The following HMGCLL1 variants were observed in gnomAD, a reference collection of about 807,000 sequenced individuals.
HMGCLL1 encodes 3-hydroxy-3-methylglutaryl-CoA lyase like 1, also known as 3-hydroxymethyl-3-methylglutaryl-CoA lyase, cytoplasmic.
HMGCLL1 carries 36 observed loss-of-function variants against 39.1 expected under a neutral mutation model. That is an observed-to-expected ratio of 0.92 (90% CI 0.71 to 1.22). The LOEUF (loss-of-function observed/expected upper bound fraction) is 1.22, where lower values mean the gene tolerates loss of function less well. Ranked by LOEUF, HMGCLL1 falls within the 50% of genes most tolerant of loss-of-function variation. The pLI, the probability that HMGCLL1 is intolerant of heterozygous loss-of-function variation, is 0.00. For missense variants in HMGCLL1, 451 were observed against 416.5 expected (o/e 1.08, Z -0.72); for synonymous variants, 149 against 144.0 (o/e 1.03, Z -0.25).
At chr6:55,517,352 T>C (rs1767793674) in intron 3 of HMGCLL1, among the ~76,000 whole-genome samples, 1 of 152,048 alleles carries the variant, frequency 6.6e-6, no homozygotes, top group Non-Finnish European at 1.5e-5. Context: ...CCCATAATCA[T>C]CACACAGAGA....
chr6:55,664,711 C>T, the HMGCLL1 span, among the ~76,000 whole-genome samples: 2 of 151,642 alleles, frequency 1.3e-5, no homozygotes, highest in Non-Finnish European at 3.0e-5. Flanking sequence ...GGCTCAAGGT[C>T]TCTCATGAGA....
At chr6:55,624,803 T>A in the HMGCLL1 span, among the ~76,000 whole-genome samples, 4 of 152,254 alleles carry the variant, frequency 2.6e-5, no homozygotes, top group South Asian at 8.3e-4. Context: ...ATTTGGCCCC[T>A]CCTACAACCA....
intron 6 of HMGCLL1, 35 bp from the exon 7 acceptor site, chr6:55,495,642 G>A: frequency 4.0e-6 from 6 of 1,497,740 alleles, no homozygotes; most frequent in East Asian, 4.7e-5. Context: ...TAAAATAATG[G>A]AAATGAAGAG....
intron 1 of HMGCLL1, among the ~76,000 whole-genome samples, chr6:55,552,509 C>T (rs1051612633): frequency 2.6e-5 from 4 of 151,986 alleles, no homozygotes; most frequent in African/African-American, 7.3e-5. Context: ...CCACTCTGTA[C>T]CTCATTTACT....
the HMGCLL1 span, among the ~76,000 whole-genome samples, chr6:55,597,531 GA>G: frequency 1.5e-4 from 23 of 150,970 alleles, no homozygotes; most frequent in East Asian, 1.4e-3. Context: ...AAAAAAGAAG[GA>G]AAAAAAAGAG....
At chr6:55,617,406 G>A in the HMGCLL1 span, among the ~76,000 whole-genome samples, 1 of 152,076 alleles carries the variant, frequency 6.6e-6, no homozygotes, top group South Asian at 2.1e-4. Context: ...GTTAGACTGT[G>A]AAGAGGTTGG....
At chr6:55,494,120 A>G (rs901361696) in intron 7 of HMGCLL1, among the ~76,000 whole-genome samples, 10 of 152,264 alleles carry the variant, frequency 6.6e-5, no homozygotes, top group South Asian at 2.1e-4. Flanking sequence ...TTGGGGTATT[A>G]GCAATGTTTT....
the HMGCLL1 span, among the ~76,000 whole-genome samples, chr6:55,622,705 T>C: frequency 2.0e-5 from 3 of 152,114 alleles, no homozygotes; most frequent in Non-Finnish European, 2.9e-5. Flanking sequence ...ATCAGATAAA[T>C]TGAACTGTAA....
At chr6:55,469,981 T>C (rs1581818053) in intron 7 of HMGCLL1, among the ~76,000 whole-genome samples, 1 of 151,990 alleles carries the variant, frequency 6.6e-6, no homozygotes, top group East Asian at 1.9e-4. Context: ...GTTTTCCAGC[T>C]TCCGCAGCTG....
chr6:55,671,910 A>G, the HMGCLL1 span, among the ~76,000 whole-genome samples: 1 of 151,786 alleles, frequency 6.6e-6, no homozygotes, highest in African/African-American at 2.4e-5. Flanking sequence ...GTTGAAAAAG[A>G]TATAATACAA....
At chr6:55,602,226 G>T in the HMGCLL1 span, among the ~76,000 whole-genome samples, 1 of 152,024 alleles carries the variant, frequency 6.6e-6, no homozygotes, top group African/African-American at 2.4e-5. Context: ...CTGGCTCCAG[G>T]AGATACCTCA....
At chr6:55,641,329 C>A in the HMGCLL1 span, among the ~76,000 whole-genome samples, 1 of 151,906 alleles carries the variant, frequency 6.6e-6, no homozygotes, top group African/African-American at 2.4e-5. Context: ...TGAATTAGAG[C>A]AGCAACAGGT....
chr6:55,536,689 T>C (rs1159931470), intron 3 of HMGCLL1, among the ~76,000 whole-genome samples: 9 of 110,380 alleles, frequency 8.2e-5, no homozygotes, highest in Non-Finnish European at 1.8e-4. Context: ...GTAAAGAACA[T>C]GTATTTTTTA....
chr6:55,451,925 T>C (rs1319355902), intron 7 of HMGCLL1, among the ~76,000 whole-genome samples: 2 of 152,220 alleles, frequency 1.3e-5, no homozygotes, highest in Non-Finnish European at 2.9e-5. Context: ...ATTAGCTTCA[T>C]GATGTCTGGA....
the HMGCLL1 span, among the ~76,000 whole-genome samples, chr6:55,614,406 C>T: frequency 6.6e-6 from 1 of 152,244 alleles, no homozygotes; most frequent in Admixed American, 6.5e-5. Context: ...TCACCAAACA[C>T]TGAATCTTCC....
chr6:55,492,575 A>G (rs4530860), intron 7 of HMGCLL1, among the ~76,000 whole-genome samples: 104,206 of 152,184 alleles, frequency 0.68, 35,692 homozygotes, highest in Non-Finnish European at 0.7. Context: ...TTCTTATGAT[A>G]TCAATGCGTT....
At chr6:55,482,832 G>T (rs1005831134) in intron 7 of HMGCLL1, among the ~76,000 whole-genome samples, 3 of 151,806 alleles carry the variant, frequency 2.0e-5, no homozygotes, top group Non-Finnish European at 2.9e-5. Context: ...GCAAGAAAAG[G>T]TTCCCCCCCA....
intron 4 of HMGCLL1, 112 bp from the exon 5 acceptor site, chr6:55,514,308 G>T: frequency 1.4e-6 from 1 of 726,524 alleles, no homozygotes. Context: ...TTTAATATTT[G>T]CCTTAGAATT....
chr6:55,624,372 G>A, the HMGCLL1 span, among the ~76,000 whole-genome samples: 1 of 152,142 alleles, frequency 6.6e-6, no homozygotes, highest in Non-Finnish European at 1.5e-5. Flanking sequence ...CACATCTCCT[G>A]GTACATTGCA....
Sources: allele counts gnomAD v4.1 joint callset (sites outside exome capture counted in the v4.1 genomes callset), GRCh38; gene constraint gnomAD v4.1.1; transcripts MANE v1.5; gene names NCBI Gene and HGNC (gene_info 2026-07-23, HGNC 2026-07-21).